WDTC1: variants seen among roughly 807,000 people sequenced by gnomAD.
WDTC1 encodes the protein WD and tetratricopeptide repeats protein 1.
Under a neutral mutation model 76.0 loss-of-function variants are expected in WDTC1, and 12 were observed. That is an observed-to-expected ratio of 0.16 (90% CI 0.10 to 0.26). The LOEUF (loss-of-function observed/expected upper bound fraction) is 0.26, where lower values mean the gene tolerates loss of function less well. WDTC1 is among the 10% of genes least tolerant of loss of function. The pLI, the probability that WDTC1 is intolerant of heterozygous loss-of-function variation, is 1.00. For synonymous variants in WDTC1, 326 were observed against 350.8 expected, an observed-to-expected ratio of 0.93 and a Z score of 0.79; for missense variants, 511 against 908.8, an observed-to-expected ratio of 0.56 and a Z score of 5.63.
At chr1:27,283,037 C>T (rs1216713928) in intron 4 of WDTC1, among the ~76,000 whole-genome samples, 1 of 151,328 alleles carries the variant, frequency 6.6e-6, no homozygotes, top group Non-Finnish European at 1.5e-5. Context: ...ACTCAGGAGG[C>T]TGAGGCAGGA....
At chr1:27,263,280 C>T in intron 3 of WDTC1, 45 bp downstream of exon 3, 1 of 1,578,384 alleles carries the variant, frequency 6.3e-7, no homozygotes. Context: ...GCCTGCTGTC[C>T]ATTCTCTGCC....
chr1:27,301,947 C>T lies in WDTC1; in HGVS notation c.1468+486C>T, dbSNP rs2013840968. 6.6e-6 allele frequency among the ~76,000 whole-genome samples: 1 copy of T among 152,194 alleles called. No homozygotes were observed. Among genetic ancestry groups the T allele is most frequent in the African/African-American group, 2.4e-5 (1 of 41,442 alleles). Reference sequence around the variant, plus strand: ...CTCGGTTCCAAATGCAGCTCCACCACCTGACTGTGTGGCCTTGAAGAAAGC... The same window carrying T: ...CTCGGTTCCAAATGCAGCTCCACCATCTGACTGTGTGGCCTTGAAGAAAGC... On this transcript the variant is annotated intron_variant, in intron 13 of 15. Transcript: ENST00000319394. The surrounding 1 kb of genome is among the most constrained non-coding windows in gnomAD (Gnocchi z 5.8).
In WDTC1 at chr1:27,305,345, T is replaced by C. The variant is rs1449517433; in HGVS notation, c.1836+152T>C. 5.2e-6 allele frequency: 5 copies of C among 960,722 alleles called. No individual in the cohort carries two copies. The African/African-American group carries it at 6.6e-5, about 13-fold the overall frequency. The allele number at this position is 960,722 out of a possible 1,614,324, so 59.5% of individuals were successfully genotyped here. On this transcript the variant is annotated intron_variant, in intron 15 of 15. Coordinates refer to ENST00000319394, the MANE Select transcript of WDTC1 (RefSeq NM_001276252.2). This position sits in a 1 kb window ranked among gnomAD's most constrained non-coding sequence, Gnocchi z 4.6. ...GGGGCCCAAGGCTGTGTTCTCAGAT[T>C]CCAGAAGCTCCAAATGCAGCAGCAA...
intron 2 of WDTC1, among the ~76,000 whole-genome samples, chr1:27,262,809 T>TC (rs756968770): frequency 2.6e-5 from 4 of 152,130 alleles, no homozygotes; most frequent in Non-Finnish European, 5.9e-5. Context: ...GGGTTTTTTT[T>TC]CCCTTTGTGT....
intron 12 of WDTC1, among the ~76,000 whole-genome samples, chr1:27,298,874 C>T (rs1380568734): frequency 2.6e-5 from 4 of 152,256 alleles, no homozygotes; most frequent in Admixed American, 2.6e-4. Flanking sequence ...GCTGGTGTGC[C>T]ATCGTCTGGC....
Position 27,287,844 on chromosome 1 carries a change from T to C in WDTC1, c.462T>C (p.Ala154=). The C allele has an allele frequency of 6.2e-7, 1 of 1,613,402 alleles. No individual in the cohort carries two copies. The highest frequency in any genetic ancestry group is 2.2e-5 in the East Asian group (1 of 44,862). ...GGCCCAACACATTCTGGAGTGCTGC[T>C]GAGGATGGGCTTATCCGGTAAGAGT... ...PMWPNTFWSA[A]EDGLIRQYDL... is the part of the protein sequence containing the mutation. Residue 154 remains alanine, a synonymous_variant, in exon 6 of 16, where the codon GCT becomes GCC. Coordinates refer to ENST00000319394, the MANE Select transcript of WDTC1 (RefSeq NM_001276252.2).
intron 1 of WDTC1, among the ~76,000 whole-genome samples, chr1:27,236,916 G>A (rs2147893700): frequency 6.6e-6 from 1 of 152,256 alleles, no homozygotes; most frequent in African/African-American, 2.4e-5. Context: ...TCAGCTCACT[G>A]CAACCTCAGC....
At position 27,257,448 on chromosome 1, in the gene WDTC1, T is replaced by C. The variant is rs185605918; in HGVS notation, c.-99-3508T>C. Among the ~76,000 whole-genome samples, 9 of 152,294 alleles carry C rather than the reference T, an allele frequency of 5.9e-5. No individual in the cohort carries two copies. In the East Asian group the frequency reaches 1.5e-3, roughly 26 times the overall value. On this transcript the variant is annotated intron_variant, in intron 1 of 15. Coordinates refer to ENST00000319394, the MANE Select transcript of WDTC1 (RefSeq NM_001276252.2). ...CCAGATATACTCACTTCTTTGGTGT[T>C]ATTTCCAATGTAATCATCCTCACCT... is the stretch of plus-strand genomic sequence containing the variant.
At chr1:27,288,082 G>A (rs918309590) in intron 6 of WDTC1, among the ~76,000 whole-genome samples, 1 of 152,104 alleles carries the variant, frequency 6.6e-6, no homozygotes, top group Non-Finnish European at 1.5e-5. Flanking sequence ...AGGCCCACAA[G>A]CTTTTTCTCA....
chr1:27,261,933 A>T (rs575534020), intron 2 of WDTC1, among the ~76,000 whole-genome samples: 12 of 147,236 alleles, frequency 8.2e-5, no homozygotes, highest in East Asian at 4.0e-4. Flanking sequence ...TACTAAAAAA[A>T]TTTTTTTTTT....
intron 12 of WDTC1, among the ~76,000 whole-genome samples, chr1:27,300,830 C>T (rs2013813341): frequency 6.6e-6 from 1 of 152,164 alleles, no homozygotes; most frequent in Non-Finnish European, 1.5e-5. Flanking sequence ...GCTTTGAAGG[C>T]CAGCCGGGGG....
chr1:27,283,525 G>C (rs1281113810), intron 5 of WDTC1, 76 bp downstream of exon 5: 1 of 1,352,690 alleles, frequency 7.4e-7, no homozygotes, highest in African/African-American at 1.4e-5. Context: ...GCCACGCCAT[G>C]TTGGTATGTG....
At chr1:27,260,242 C>G (rs1355447789) in intron 1 of WDTC1, among the ~76,000 whole-genome samples, 1 of 152,026 alleles carries the variant, frequency 6.6e-6, no homozygotes, top group Admixed American at 6.6e-5. Flanking sequence ...GTAGCTGGGA[C>G]TACAGGCACC....
At chr1:27,235,207 A>T (rs1343696476) in intron 1 of WDTC1, among the ~76,000 whole-genome samples, 5 of 151,958 alleles carry the variant, frequency 3.3e-5, no homozygotes, top group Admixed American at 3.3e-4. Context: ...GAGTCCGGGG[A>T]GGCTCTGCGG....
chr1:27,265,699 A>G (rs141418166), intron 3 of WDTC1, among the ~76,000 whole-genome samples: 2,137 of 152,190 alleles, frequency 0.014, 52 homozygotes, highest in African/African-American at 0.048. Flanking sequence ...TAATCCCAGC[A>G]CTTAGGGAGG....
chr1:27,281,034 C>G (rs577743325), intron 3 of WDTC1, among the ~76,000 whole-genome samples: 1 of 151,856 alleles, frequency 6.6e-6, no homozygotes, highest in Admixed American at 6.6e-5. Context: ...GATAAAGACT[C>G]TGACCTAATT....
chr1:27,237,782 A>C (rs2011522065), intron 1 of WDTC1, among the ~76,000 whole-genome samples: 1 of 150,270 alleles, frequency 6.7e-6, no homozygotes, highest in Non-Finnish European at 1.5e-5. Context: ...AATCGCTTGA[A>C]CCCAGGAGGT....
In WDTC1 at chr1:27,234,908, T is replaced by G. The variant is rs1275240171; in HGVS notation, c.-143T>G. ...CCGCCCCCCCCGGACGGACATGGGC[T>G]CCTGAAGTTGCGCCGCTGCCGGTCG... On this transcript the variant is annotated 5_prime_UTR_variant, in exon 1 of 16. Coordinates refer to ENST00000319394, the MANE Select transcript of WDTC1 (RefSeq NM_001276252.2). 2.5e-6 allele frequency: 1 copy of G among 394,544 alleles called. No homozygotes were observed. The highest frequency in any genetic ancestry group is 2.1e-5 in the African/African-American group (1 of 48,142). The allele number at this position is 394,544 out of a possible 1,614,324, so 24.4% of individuals were successfully genotyped here.
rs145079446 is a variant in WDTC1 at position 27,242,067 on chromosome 1, T to G, written c.-100+7116T>G. ...CCATCACGCCTGGCTAATTTTTGTA[T>G]TTTTAGTAGAGACGGGGTTTTACCA... On this transcript the variant is annotated intron_variant, in intron 1 of 15. Coordinates refer to ENST00000319394, the MANE Select transcript of WDTC1 (RefSeq NM_001276252.2). Among the ~76,000 whole-genome samples the G allele has an allele frequency of 3.8e-3, 578 of 152,090 alleles. 4 individuals are homozygous for G. The highest frequency in any genetic ancestry group is 0.012 in the East Asian group (64 of 5,148).
Sources: allele counts gnomAD v4.1 joint callset (sites outside exome capture counted in the v4.1 genomes callset), GRCh38; gene constraint gnomAD v4.1.1; non-coding constraint Gnocchi (gnomAD v3.1); transcripts MANE v1.5; gene names NCBI Gene and HGNC (gene_info 2026-07-23, HGNC 2026-07-21).